Variants in MAGI1 observed in about 807,000 individuals in gnomAD.
MAGI1 encodes membrane associated guanylate kinase, WW and PDZ domain containing 1.
MAGI1 carries 58 observed loss-of-function variants against 139.9 expected under a neutral mutation model. The ratio of observed to expected loss-of-function variants is 0.41; its 90% CI spans 0.34 to 0.52. The LOEUF (loss-of-function observed/expected upper bound fraction) is 0.52, where lower values mean the gene tolerates loss of function less well. Among genes scored for constraint, MAGI1 ranks in the 20% least tolerant of loss-of-function variants. MAGI1 has a pLI of 0.12. For synonymous variants in MAGI1, 812 were observed against 737.9 expected, an observed-to-expected ratio of 1.10 and a Z score of -1.63; for missense variants, 1,874 against 1,901.6, an observed-to-expected ratio of 0.99 and a Z score of 0.27.
chr3:65,497,170 G>T (rs1242213489), intron 2 of MAGI1, among the ~76,000 whole-genome samples: 1 of 152,120 alleles, frequency 6.6e-6, no homozygotes, highest in African/African-American at 2.4e-5. Flanking sequence ...TATTAAGAGT[G>T]ATCAGTTGAT....
At chr3:65,960,566 T>A (rs2107077743) in intron 1 of MAGI1, among the ~76,000 whole-genome samples, 1 of 152,322 alleles carries the variant, frequency 6.6e-6, no homozygotes, top group African/African-American at 2.4e-5. Context: ...AGGATGTCTG[T>A]CCTATGTAAG....
chr3:65,564,603 T>C (rs1171456875), intron 2 of MAGI1, among the ~76,000 whole-genome samples: 3 of 152,060 alleles, frequency 2.0e-5, no homozygotes, highest in African/African-American at 4.8e-5. Flanking sequence ...TAAGTAAAAA[T>C]AGTAGGCCAT....
intron 1 of MAGI1, among the ~76,000 whole-genome samples, chr3:65,742,585 G>A (rs375361860): frequency 3.8e-4 from 58 of 151,988 alleles, no homozygotes; most frequent in African/African-American, 1.4e-3. Flanking sequence ...AGGAGATATT[G>A]TGTGTGAGTG....
intron 1 of MAGI1, among the ~76,000 whole-genome samples, chr3:65,905,063 A>G (rs1446750591): frequency 6.6e-6 from 1 of 152,244 alleles, no homozygotes; most frequent in Non-Finnish European, 1.5e-5. Context: ...CTTAAAAATT[A>G]TACTAAAAAT....
intron 1 of MAGI1, among the ~76,000 whole-genome samples, chr3:65,977,671 A>G (rs1211364142): frequency 6.6e-6 from 1 of 151,592 alleles, no homozygotes; most frequent in Non-Finnish European, 1.5e-5. Flanking sequence ...AGATCACACC[A>G]CTGCACTCCA....
intron 1 of MAGI1, among the ~76,000 whole-genome samples, chr3:65,840,927 G>A (rs181803421): frequency 6.6e-6 from 1 of 152,006 alleles, no homozygotes. Context: ...CTAGAGATGG[G>A]GGAGAGCCAA....
At chr3:65,845,195 G>A (rs1384355632) in intron 1 of MAGI1, among the ~76,000 whole-genome samples, 2 of 151,716 alleles carry the variant, frequency 1.3e-5, no homozygotes, top group African/African-American at 2.4e-5. Context: ...CGGTTGCAGT[G>A]AGCTGAGATT....
At chr3:65,582,849 A>G (rs1260064167) in intron 2 of MAGI1, among the ~76,000 whole-genome samples, 3 of 152,208 alleles carry the variant, frequency 2.0e-5, no homozygotes, top group Non-Finnish European at 2.9e-5. Context: ...GAACGCTGAC[A>G]TGAGACATGA....
At chr3:65,547,505 A>G (rs2107942700) in intron 2 of MAGI1, among the ~76,000 whole-genome samples, 1 of 152,252 alleles carries the variant, frequency 6.6e-6, no homozygotes, top group South Asian at 2.1e-4. Flanking sequence ...CCTACTCCAC[A>G]TCTGGGTATT....
intron 12 of MAGI1, among the ~76,000 whole-genome samples, chr3:65,416,086 T>C (rs1000759463): frequency 7.9e-5 from 12 of 152,362 alleles, no homozygotes; most frequent in Middle Eastern, 3.4e-3. Flanking sequence ...TAAGAGCGTG[T>C]AGACCTAATT....
intron 12 of MAGI1, among the ~76,000 whole-genome samples, chr3:65,405,399 T>C (rs1168048706): frequency 6.6e-6 from 1 of 152,146 alleles, no homozygotes; most frequent in East Asian, 1.9e-4. Flanking sequence ...ATGAAAAAAG[T>C]AAAGCTGTAA....
intron 1 of MAGI1, among the ~76,000 whole-genome samples, chr3:65,671,231 A>G (rs903253793): frequency 2.0e-5 from 3 of 152,208 alleles, no homozygotes; most frequent in African/African-American, 7.2e-5. Flanking sequence ...TTGGCACTCT[A>G]GAGCCAATGC....
At chr3:65,934,031 G>A (rs1307982877) in intron 1 of MAGI1, among the ~76,000 whole-genome samples, 1 of 152,120 alleles carries the variant, frequency 6.6e-6, no homozygotes, top group Non-Finnish European at 1.5e-5. Flanking sequence ...GGAGGCTGAG[G>A]CAGGAGAATC....
intron 5 of MAGI1, among the ~76,000 whole-genome samples, chr3:65,468,724 T>C (rs1289387026): frequency 6.6e-6 from 1 of 152,048 alleles, no homozygotes; most frequent in Non-Finnish European, 1.5e-5. Flanking sequence ...AACTCTCATA[T>C]GTTTAGAAAA....
chr3:66,005,167 A>C (rs2066947048), intron 1 of MAGI1, among the ~76,000 whole-genome samples: 1 of 152,148 alleles, frequency 6.6e-6, no homozygotes, highest in Non-Finnish European at 1.5e-5. Context: ...CCCATATGCA[A>C]AGCTGTGGGT....
Position 65,499,634 on chromosome 3 carries a change from A to AG in MAGI1, c.431-6004dup, listed in dbSNP as rs558686744. Among the ~76,000 whole-genome samples, 1,206 of 152,326 alleles carry AG rather than the reference A, an allele frequency of 7.9e-3. 5 individuals carry two copies. Among genetic ancestry groups the AG allele is most frequent in the Non-Finnish European group, 0.013 (910 of 68,016 alleles). ...TGAGACTCCGTCTCAAAAAAAAAAA[A>AG]GAATGGTTAAATCTACATGCAGTTA... is the stretch of plus-strand genomic sequence containing the variant. On this transcript the variant is annotated intron_variant, in intron 2 of 22. Coordinates refer to ENST00000402939, the MANE Select transcript of MAGI1 (RefSeq NM_001033057.2).
chr3:65,714,245 T>C (rs1375856039), intron 1 of MAGI1, among the ~76,000 whole-genome samples: 4 of 152,186 alleles, frequency 2.6e-5, no homozygotes, highest in African/African-American at 4.8e-5. Context: ...ATTCCTCCAA[T>C]GGCCCTGACC....
At chr3:65,961,893 G>C (rs1201146218) in intron 1 of MAGI1, among the ~76,000 whole-genome samples, 1 of 152,142 alleles carries the variant, frequency 6.6e-6, no homozygotes, top group Non-Finnish European at 1.5e-5. Context: ...GAAGAAAGAA[G>C]TTTACAGCAA....
intron 2 of MAGI1, among the ~76,000 whole-genome samples, chr3:65,511,812 A>G (rs1169301693): frequency 7.3e-6 from 1 of 137,672 alleles, no homozygotes; most frequent in Non-Finnish European, 1.6e-5. Context: ...GACCTAATAG[A>G]CATCTACAGA....
Sources: gnomAD v4.1 joint callset for allele counts (sites outside exome capture counted in the v4.1 genomes callset) on GRCh38, gnomAD v4.1.1 for gene constraint, MANE v1.5 for transcripts, NCBI Gene and HGNC (gene_info 2026-07-23, HGNC 2026-07-21) for gene names.